Variants in UMAD1 observed in about 807,000 individuals in gnomAD.
UMAD1 encodes the protein UBAP1-MVB12-associated (UMA)-domain containing protein 1.
UMAD1 carries 8 observed loss-of-function variants against 6.1 expected under a neutral mutation model. The observed-to-expected ratio is 1.30, with a 90% confidence interval of 0.76 to 2.35. The LOEUF is 2.35. UMAD1 is among the 30% of genes most tolerant of loss of function. The probability of loss-of-function intolerance (pLI) is 0.00; values close to 1 mark genes in which losing one functional copy is unlikely to be tolerated. For missense variants in UMAD1, 130 were observed against 78.4 expected (o/e 1.66, Z -2.49); for synonymous variants, 56 against 31.4 (o/e 1.78, Z -2.61).
intron 3 of UMAD1, among the ~76,000 whole-genome samples, chr7:7,856,403 T>C (rs991505230): frequency 6.6e-6 from 1 of 152,174 alleles, no homozygotes; most frequent in Non-Finnish European, 1.5e-5. Flanking sequence ...GCAGGGGAAA[T>C]GCCAGATGCT....
At chr7:7,754,961 T>C (rs977206890) in intron 2 of UMAD1, among the ~76,000 whole-genome samples, 2 of 152,220 alleles carry the variant, frequency 1.3e-5, no homozygotes, top group African/African-American at 4.8e-5. Flanking sequence ...TAATATTCTC[T>C]TCTGTTTTTA....
At chr7:7,860,238 T>C (rs966750727) in intron 3 of UMAD1, among the ~76,000 whole-genome samples, 3 of 152,192 alleles carry the variant, frequency 2.0e-5, no homozygotes, top group African/African-American at 7.2e-5. Flanking sequence ...AGATTTACTT[T>C]AATTATGATT....
chr7:7,854,355 C>CAAAAAA (rs34829393), intron 3 of UMAD1, among the ~76,000 whole-genome samples: 49 of 49,006 alleles, frequency 1.0e-3, no homozygotes, highest in Middle Eastern at 0.019. Context: ...AGCTCCATCT[C>CAAAAAA]AAAAAAAAAA....
At chr7:7,747,313 G>T (rs1781591010) in intron 2 of UMAD1, among the ~76,000 whole-genome samples, 1 of 152,116 alleles carries the variant, frequency 6.6e-6, no homozygotes, top group East Asian at 1.9e-4. Context: ...AACTATTAAT[G>T]GCACCTCATT....
chr7:7,870,515 T>C (rs57060318), intron 3 of UMAD1, among the ~76,000 whole-genome samples: 271 of 152,350 alleles, frequency 1.8e-3, no homozygotes, highest in African/African-American at 6.1e-3. Flanking sequence ...AAGACCCATT[T>C]TATTATGCAA....
chr7:7,763,115 C>T (rs1020537986), intron 2 of UMAD1, among the ~76,000 whole-genome samples: 1 of 151,678 alleles, frequency 6.6e-6, no homozygotes, highest in African/African-American at 2.4e-5. Context: ...TATAAACAGC[C>T]TAGTAGGGAA....
chr7:7,654,288 A>G (rs12538804), intron 1 of UMAD1, among the ~76,000 whole-genome samples: 45,339 of 152,032 alleles, frequency 0.3, 7,523 homozygotes, highest in African/African-American at 0.44. Context: ...GTTTTACCCA[A>G]GTGAGGCCAT....
At chr7:7,730,452 GCAATTGATCTTGTCTCATC>G (rs547058086) in intron 2 of UMAD1, among the ~76,000 whole-genome samples, 116 of 152,194 alleles carry the variant, frequency 7.6e-4, no homozygotes, top group Non-Finnish European at 1.2e-3. Flanking sequence ...CTCATTTTAA[GCAATTGATCTTGTCTCATC>G]CAGTTCTCGT....
intron 2 of UMAD1, among the ~76,000 whole-genome samples, chr7:7,730,362 G>T (rs905159375): frequency 2.0e-5 from 3 of 152,204 alleles, no homozygotes; most frequent in Non-Finnish European, 4.4e-5. Context: ...CTAACATGCA[G>T]CTAAGATGGA....
chr7:7,719,353 T>A (rs574871198), intron 2 of UMAD1, among the ~76,000 whole-genome samples: 17 of 152,236 alleles, frequency 1.1e-4, no homozygotes, highest in Non-Finnish European at 1.9e-4. Flanking sequence ...CCATTGCATC[T>A]GCACTTGTAT....
intron 3 of UMAD1, among the ~76,000 whole-genome samples, chr7:7,875,628 A>G (rs1334850238): frequency 1.1e-4 from 17 of 152,252 alleles, no homozygotes; most frequent in Admixed American, 8.5e-4. Context: ...CACCCTTCCA[A>G]CACTAAAGCA....
chr7:7,810,803 T>C (rs543904719), intron 3 of UMAD1, among the ~76,000 whole-genome samples: 2 of 152,190 alleles, frequency 1.3e-5, no homozygotes, highest in African/African-American at 4.8e-5. Flanking sequence ...AAACAGTCGG[T>C]CTGTTGAGAA....
intron 3 of UMAD1, among the ~76,000 whole-genome samples, chr7:7,865,947 T>G (rs139641645): frequency 5.7e-4 from 87 of 152,338 alleles, no homozygotes; most frequent in African/African-American, 2.0e-3. Context: ...AGGAGATGTA[T>G]TTGTAAAGCT....
chr7:7,859,021 C>T (rs1364950482), intron 3 of UMAD1, among the ~76,000 whole-genome samples: 3 of 152,162 alleles, frequency 2.0e-5, no homozygotes, highest in African/African-American at 7.2e-5. Context: ...CAAACTGAGG[C>T]CAGCAATCTT....
Position 7,855,441 on chromosome 7 carries a change from G to T in UMAD1, c.157-21840G>T, listed in dbSNP as rs548447816. Among the ~76,000 whole-genome samples, 12 of 152,342 alleles carry T rather than the reference G, an allele frequency of 7.9e-5. No individual in the cohort carries two copies. In the South Asian group the frequency reaches 2.1e-3, roughly 26 times the overall value. ...AATTCTTGTCTTCTGCATGCCCCAAGACCAACACCACCTGGAAGCTGCCAA... is the reference window on the plus strand; with the variant it reads ...AATTCTTGTCTTCTGCATGCCCCAATACCAACACCACCTGGAAGCTGCCAA... On this transcript the variant is annotated intron_variant, in intron 3 of 3. Transcript: ENST00000682710.
At chr7:7,678,682 TA>T (rs1345463321) in intron 2 of UMAD1, among the ~76,000 whole-genome samples, 4 of 104,374 alleles carry the variant, frequency 3.8e-5, no homozygotes, top group Non-Finnish European at 7.2e-5. Context: ...TATATTTATA[TA>T]TTTAGTTTAT....
chr7:7,828,308 G>A (rs545973633), intron 3 of UMAD1, among the ~76,000 whole-genome samples: 1 of 152,140 alleles, frequency 6.6e-6, no homozygotes, highest in African/African-American at 2.4e-5. Context: ...TACAGTGCAT[G>A]CACATATATC....
intron 2 of UMAD1, 108 bp from the exon 3 acceptor site, chr7:7,801,562 C>T: frequency 1.6e-6 from 1 of 612,232 alleles, no homozygotes; most frequent in South Asian, 2.0e-5. Context: ...TGGTTTCTTC[C>T]ATGATGTGAA....
intron 2 of UMAD1, among the ~76,000 whole-genome samples, chr7:7,763,480 GT>G (rs1260322763): frequency 2.6e-5 from 4 of 152,128 alleles, no homozygotes; most frequent in African/African-American, 9.7e-5. Flanking sequence ...TGTGCTCAAT[GT>G]TTAGCTCTCA....
Sources: allele counts gnomAD v4.1 joint callset (sites outside exome capture counted in the v4.1 genomes callset), GRCh38; gene constraint gnomAD v4.1.1; transcripts MANE v1.5; gene names NCBI Gene and HGNC (gene_info 2026-07-23, HGNC 2026-07-21).